The following TNNI3K variants were observed in gnomAD, a reference collection of about 807,000 sequenced individuals.
TNNI3K encodes serine/threonine-protein kinase TNNI3K.
Under a neutral mutation model 114.5 loss-of-function variants are expected in TNNI3K, and 140 were observed. The ratio of observed to expected loss-of-function variants is 1.22; its 90% CI spans 1.07 to 1.41. TNNI3K has a LOEUF of 1.41. Among genes scored for constraint, TNNI3K ranks in the 40% most tolerant of loss-of-function variants. The pLI, the probability that TNNI3K is intolerant of heterozygous loss-of-function variation, is 0.00. For missense variants in TNNI3K, 1,125 were observed against 1,007.6 expected (o/e 1.12, Z -1.58); for synonymous variants, 347 against 347.5 (o/e 1.00, Z 0.02).
At chr1:74,532,689 A>G (rs1050034990) in intron 23 of TNNI3K, among the ~76,000 whole-genome samples, 6 of 151,658 alleles carry the variant, frequency 4.0e-5, no homozygotes, top group Admixed American at 2.6e-4. Context: ...TGTGTCCAAA[A>G]CAGCATGGTA....
At chr1:74,250,634 C>T in intron 3 of TNNI3K, 38 bp from the exon 4 acceptor site, 4 of 1,591,088 alleles carry the variant, frequency 2.5e-6, no homozygotes, top group Non-Finnish European at 3.4e-6. Context: ...CACCCCATCC[C>T]CACAATGATT....
rs749215986 is a variant in TNNI3K at position 74,265,505 on chromosome 1, T to G, written c.334-6093T>G. ...CTGAAATAACTGAGAAAGCTGCCAG[T>G]GAACTACCATCCTGCCACACTCTTC... On this transcript the variant is annotated intron_variant, in intron 4 of 24. Coordinates refer to ENST00000326637, the MANE Select transcript of TNNI3K (RefSeq NM_015978.3). Among the ~76,000 whole-genome samples the G allele has an allele frequency of 4.6e-5, 7 of 151,884 alleles. No homozygotes were observed. In the South Asian group the frequency reaches 6.2e-4, roughly 14 times the overall value.
chr1:74,276,752 G>A (rs967992336), intron 5 of TNNI3K, among the ~76,000 whole-genome samples: 4 of 152,050 alleles, frequency 2.6e-5, no homozygotes, highest in African/African-American at 9.7e-5. Context: ...TTCCATTAGT[G>A]TCTCAAGTGT....
chr1:74,461,092 A>G (rs1379353795), intron 20 of TNNI3K, among the ~76,000 whole-genome samples: 1 of 152,210 alleles, frequency 6.6e-6, no homozygotes, highest in Non-Finnish European at 1.5e-5. Flanking sequence ...TATCCAAATG[A>G]TCATAAGGTA....
At chr1:74,333,231 G>A (rs1194644893) in intron 6 of TNNI3K, among the ~76,000 whole-genome samples, 3 of 152,140 alleles carry the variant, frequency 2.0e-5, no homozygotes, top group African/African-American at 4.8e-5. Flanking sequence ...CATATGCCTG[G>A]ACACTCTAAG....
chr1:74,273,000 G>GT (rs5775231), intron 5 of TNNI3K, among the ~76,000 whole-genome samples: 151,508 of 151,956 alleles, frequency 1, 75,533 homozygotes, highest in Non-Finnish European at 1. Flanking sequence ...AAATAGTTAT[G>GT]TTCCCCCTTT....
intron 7 of TNNI3K, among the ~76,000 whole-genome samples, chr1:74,337,877 C>T (rs991959353): frequency 2.0e-5 from 3 of 152,018 alleles, no homozygotes; most frequent in East Asian, 1.9e-4. Flanking sequence ...TTGTATGGAT[C>T]GTAGTTTGTT....
At chr1:74,355,758 C>T (rs1002892806) in intron 11 of TNNI3K, among the ~76,000 whole-genome samples, 1 of 152,096 alleles carries the variant, frequency 6.6e-6, no homozygotes, top group African/African-American at 2.4e-5. Flanking sequence ...GAAAAATGTA[C>T]AGGTCTGAAG....
intron 17 of TNNI3K, among the ~76,000 whole-genome samples, chr1:74,421,762 G>T (rs1665406111): frequency 6.6e-6 from 1 of 151,894 alleles, no homozygotes; most frequent in South Asian, 2.1e-4. Flanking sequence ...TTGAGGAAGG[G>T]GATGTGCTGG....
intron 9 of TNNI3K, 62 bp downstream of exon 9, chr1:74,343,241 T>G: frequency 2.0e-6 from 3 of 1,523,764 alleles, no homozygotes; most frequent in Non-Finnish European, 2.7e-6. Context: ...GCACCTGAAG[T>G]TGTGGGTATA....
intron 21 of TNNI3K, among the ~76,000 whole-genome samples, chr1:74,486,983 G>A (rs1352485038): frequency 5.9e-5 from 9 of 152,110 alleles, no homozygotes; most frequent in Admixed American, 5.9e-4. Flanking sequence ...CAGTGTTGTA[G>A]GAGAAAGCTT....
At chr1:74,265,382 C>G (rs550118709) in intron 4 of TNNI3K, among the ~76,000 whole-genome samples, 1 of 151,972 alleles carries the variant, frequency 6.6e-6, no homozygotes, top group Admixed American at 6.6e-5. Context: ...CTAGAAATGT[C>G]GAGGCCCTTC....
At chr1:74,279,294 TA>T (rs768971242) in intron 5 of TNNI3K, among the ~76,000 whole-genome samples, 61 of 152,332 alleles carry the variant, frequency 4.0e-4, no homozygotes, top group Non-Finnish European at 7.1e-4. Context: ...TATGACTCTG[TA>T]AAAATGCAAA....
chr1:74,336,620 G>C (rs1010916661), intron 7 of TNNI3K, among the ~76,000 whole-genome samples: 1 of 151,144 alleles, frequency 6.6e-6, no homozygotes, highest in Non-Finnish European at 1.5e-5. Context: ...TTGTTCTTGC[G>C]ATAGTTTACT....
At chr1:74,497,564 GCACACA>G (rs748626223) in intron 23 of TNNI3K, among the ~76,000 whole-genome samples, 1 of 147,286 alleles carries the variant, frequency 6.8e-6, no homozygotes, top group South Asian at 2.2e-4. Flanking sequence ...CCACATACAT[GCACACA>G]CACACACACA....
intron 24 of TNNI3K, among the ~76,000 whole-genome samples, chr1:74,542,864 T>A (rs1646742040): frequency 6.6e-6 from 1 of 152,098 alleles, no homozygotes; most frequent in Non-Finnish European, 1.5e-5. Flanking sequence ...TCTTGGACAG[T>A]GGCCTGATCC....
At chr1:74,459,865 G>T (rs1667374769) in intron 20 of TNNI3K, among the ~76,000 whole-genome samples, 1 of 152,132 alleles carries the variant, frequency 6.6e-6, no homozygotes, top group African/African-American at 2.4e-5. Context: ...CTCTGCAGCT[G>T]ACTCACAATA....
At chr1:74,520,729 G>A (rs941325251) in intron 23 of TNNI3K, among the ~76,000 whole-genome samples, 2 of 152,062 alleles carry the variant, frequency 1.3e-5, no homozygotes, top group Non-Finnish European at 2.9e-5. Context: ...CATACTATGT[G>A]GTATTTGGGA....
At position 74,313,276 on chromosome 1, in the gene TNNI3K, C is replaced by T. The variant is rs187158860; in HGVS notation, c.445-18174C>T. Reference sequence around the variant, plus strand: ...TATCTCTACCGTTCTTCTCTCACCACGTTGACATCACATATTTTATTTATC... The same window carrying T: ...TATCTCTACCGTTCTTCTCTCACCATGTTGACATCACATATTTTATTTATC... On this transcript the variant is annotated intron_variant, in intron 5 of 24. Transcript: ENST00000326637. Among the ~76,000 whole-genome samples the T allele has an allele frequency of 9.2e-4, 140 of 152,314 alleles. 1 individual carries two copies. Among genetic ancestry groups the T allele is most frequent in the African/African-American group, 2.8e-3 (116 of 41,576 alleles).
Sources: gnomAD v4.1 joint callset for allele counts (sites outside exome capture counted in the v4.1 genomes callset) on GRCh38, gnomAD v4.1.1 for gene constraint, MANE v1.5 for transcripts, NCBI Gene and HGNC (gene_info 2026-07-23, HGNC 2026-07-21) for gene names.